WWP1: variants seen among roughly 807,000 people sequenced by gnomAD.
The protein encoded by WWP1 is WW domain containing E3 ubiquitin protein ligase 1, also known as NEDD4-like E3 ubiquitin-protein ligase WWP1.
In WWP1, 49 loss-of-function variants were observed where a neutral mutation model predicts 130.6. The ratio of observed to expected loss-of-function variants is 0.38; its 90% CI spans 0.30 to 0.48. The LOEUF (loss-of-function observed/expected upper bound fraction) is 0.48, where lower values mean the gene tolerates loss of function less well. Among genes scored for constraint, WWP1 ranks in the 20% least tolerant of loss-of-function variants. The probability of loss-of-function intolerance (pLI) is 0.99; values close to 1 mark genes in which losing one functional copy is unlikely to be tolerated. For missense variants in WWP1, 809 were observed against 1,100.6 expected, an observed-to-expected ratio of 0.74 and a Z score of 3.75; for synonymous variants, 332 against 367.8, an observed-to-expected ratio of 0.90 and a Z score of 1.11.
In WWP1 at chr8:86,461,742, C is replaced by T. The variant is rs776726541; in HGVS notation, c.2597-32C>T. On this transcript the variant is annotated intron_variant, in intron 23 of 24. Coordinates refer to ENST00000517970, the MANE Select transcript of WWP1 (RefSeq NM_007013.4). ...GTCAGAAGAAAAAAGTTTAAAGGAC[C>T]AGATAAACTTTGTCTTATTTTCTTG... 6.3e-6 allele frequency: 10 copies of T among 1,580,696 alleles called. No homozygotes were observed. In the South Asian group the frequency reaches 1.1e-4, roughly 18 times the overall value.
In WWP1 at chr8:86,431,414, G is replaced by A. The variant is rs1160854523; in HGVS notation, c.1396G>A (p.Val466Met). The A allele has an allele frequency of 5.7e-6, 9 of 1,590,230 alleles. No individual in the cohort carries two copies. The highest frequency in any genetic ancestry group is 8.6e-7 in the Non-Finnish European group (1 of 1,167,444). The change falls in exon 13 of 25, where the codon GTG (valine) becomes ATG (methionine). Residue 466 changes from valine to methionine, a missense_variant. Transcript: ENST00000517970. ...CTCACTTTATATTTCAGAAAAAAGA[G>A]TGGATTCAACAGACAGGGTTTACTT... The part of the protein sequence containing the change: ...GPLPPGWEKR[V>M]DSTDRVYFVN...
intron 5 of WWP1, among the ~76,000 whole-genome samples, chr8:86,394,483 T>C (rs1807538615): frequency 6.6e-6 from 1 of 152,226 alleles, no homozygotes; most frequent in South Asian, 2.1e-4. Context: ...TGCTAGAGAC[T>C]TCATTTCATT....
At chr8:86,372,226 G>C (rs1824356582) in intron 2 of WWP1, among the ~76,000 whole-genome samples, 1 of 151,650 alleles carries the variant, frequency 6.6e-6, no homozygotes, top group Non-Finnish European at 1.5e-5. Flanking sequence ...GTTTCACCGT[G>C]TTACCCAGGA....
chr8:86,419,148 G>A (rs556172422), intron 9 of WWP1, among the ~76,000 whole-genome samples: 35 of 152,178 alleles, frequency 2.3e-4, no homozygotes, highest in Non-Finnish European at 4.6e-4. Context: ...GGCTGGGCGC[G>A]GTGGCTCCCG....
intron 3 of WWP1, among the ~76,000 whole-genome samples, chr8:86,376,545 G>A (rs1293932472): frequency 6.6e-6 from 1 of 152,066 alleles, no homozygotes; most frequent in African/African-American, 2.4e-5. Flanking sequence ...TTCCAGCCTG[G>A]GGGATAAAGT....
rs776194607 is a variant in WWP1 at position 86,466,168 on chromosome 8, AAAT to A, written c.2670-621_2670-619del. 2.6e-5 allele frequency among the ~76,000 whole-genome samples: 4 copies of A among 152,210 alleles called. No homozygotes were observed. In the East Asian group the frequency reaches 5.8e-4, roughly 22 times the overall value. ...TGTTATTCCACCTTTGTAAACTGAA[AAAT>A]AATAGTTATTTTAAGCATTTTTTAG... On this transcript the variant is annotated intron_variant, in intron 24 of 24. Coordinates refer to ENST00000517970, the MANE Select transcript of WWP1 (RefSeq NM_007013.4).
At chr8:86,437,822 CAG>C (rs1203913860) in intron 16 of WWP1, among the ~76,000 whole-genome samples, 3 of 152,044 alleles carry the variant, frequency 2.0e-5, no homozygotes, top group Non-Finnish European at 4.4e-5. Context: ...TTTTTTGAGA[CAG>C]AGTCTCGCTC....
chr8:86,431,937 G>A (rs1314039587), intron 14 of WWP1, among the ~76,000 whole-genome samples, 194 bp downstream of exon 14: 1 of 152,186 alleles, frequency 6.6e-6, no homozygotes, highest in Non-Finnish European at 1.5e-5. Flanking sequence ...TTTATGTAGT[G>A]ATTACTGTGT....
intron 5 of WWP1, among the ~76,000 whole-genome samples, chr8:86,386,591 CT>C (rs1034789745): frequency 1.3e-5 from 2 of 151,984 alleles, no homozygotes; most frequent in Non-Finnish European, 2.9e-5. Flanking sequence ...CTATCCTTAC[CT>C]TTCAACATAA....
intron 8 of WWP1, among the ~76,000 whole-genome samples, chr8:86,403,450 C>T (rs1026129278): frequency 6.6e-6 from 1 of 152,032 alleles, no homozygotes; most frequent in Admixed American, 6.6e-5. Context: ...TGTGTGCCAC[C>T]ATGCCCCCTA....
Position 86,425,218 on chromosome 8 carries a change from TAAAGGTGGGAAC to T in WWP1, c.1062_1073del (p.Trp355_Arg358del). The T allele has an allele frequency of 1.2e-6, 2 of 1,601,150 alleles. No homozygotes were observed. Among genetic ancestry groups the T allele is most frequent in the Non-Finnish European group, 1.7e-6 (2 of 1,176,000 alleles). ...CTTACTGTTATTTTTGTATTTTTAT[TAAAGGTGGGAAC>T]AAAGAAAAGATCCTCATGGTAGAAC... On this transcript the variant is annotated splice_acceptor_variant and splice_polypyrimidine_tract_variant and coding_sequence_variant and intron_variant, in exon 10 of 25. Transcript: ENST00000517970. LOFTEE classifies it high-confidence loss of function.
At chr8:86,409,774 C>T (rs943430867) in intron 8 of WWP1, among the ~76,000 whole-genome samples, 5 of 151,734 alleles carry the variant, frequency 3.3e-5, no homozygotes, top group East Asian at 2.0e-4. Flanking sequence ...GAAGGAGAAC[C>T]GTTTGAACCC....
intron 18 of WWP1, among the ~76,000 whole-genome samples, chr8:86,445,687 C>A (rs1463863555): frequency 6.6e-6 from 1 of 152,132 alleles, no homozygotes; most frequent in Non-Finnish European, 1.5e-5. Context: ...AATGGGATTG[C>A]TGATTCTCAT....
At chr8:86,425,363 CAT>C (rs751926066) in intron 10 of WWP1, 45 bp downstream of exon 10, 68 of 1,478,074 alleles carry the variant, frequency 4.6e-5, no homozygotes, top group African/African-American at 3.0e-4. Context: ...TTTTATCACA[CAT>C]GTGGTTTTTA....
intron 5 of WWP1, chr8:86,386,991 C>T (rs1056505563): frequency 5.4e-4 from 82 of 152,280 alleles, no homozygotes; most frequent in African/African-American, 1.9e-3. Context: ...GGCACACCCA[C>T]TCACTCAAGT....
chr8:86,393,021 TATC>T (rs1807444114), intron 5 of WWP1, among the ~76,000 whole-genome samples: 1 of 152,190 alleles, frequency 6.6e-6, no homozygotes, highest in Non-Finnish European at 1.5e-5. Flanking sequence ...GAAGTTTTAT[TATC>T]AAAGCATTTC....
intron 5 of WWP1, among the ~76,000 whole-genome samples, chr8:86,392,055 C>A (rs1807379340): frequency 6.6e-6 from 1 of 152,116 alleles, no homozygotes; most frequent in Non-Finnish European, 1.5e-5. Flanking sequence ...CAGGCAGGTG[C>A]TTTAAGGGGA....
chr8:86,367,555 C>T (rs1322359047), intron 1 of WWP1, among the ~76,000 whole-genome samples: 1 of 152,104 alleles, frequency 6.6e-6, no homozygotes, highest in African/African-American at 2.4e-5. Flanking sequence ...TTTTTCTGTT[C>T]TTTGCAGTTG....
Position 86,444,711 on chromosome 8 carries a change from G to A in WWP1, c.1998+1933G>A, listed in dbSNP as rs536334277. Among the ~76,000 whole-genome samples, 31 of 152,296 alleles carry A rather than the reference G, an allele frequency of 2.0e-4. 1 individual carries two copies. In the South Asian group the frequency reaches 4.1e-3, roughly 20 times the overall value. On this transcript the variant is annotated intron_variant, in intron 18 of 24. Transcript: ENST00000517970. ...CAAAGGTGAAAGTTATTCATGAGTG[G>A]TAGGGTGGAAAGACTGATGGGAGTA...
Sources: gnomAD v4.1 joint callset for allele counts (sites outside exome capture counted in the v4.1 genomes callset) on GRCh38, gnomAD v4.1.1 for gene constraint, MANE v1.5 for transcripts, NCBI Gene and HGNC (gene_info 2026-07-23, HGNC 2026-07-21) for gene names.